Variants in ATF7IP observed in about 807,000 individuals in gnomAD.
ATF7IP encodes activating transcription factor 7 interacting protein, also known as activating transcription factor 7-interacting protein 1.
ATF7IP carries 23 observed loss-of-function variants against 106.4 expected under a neutral mutation model. The ratio of observed to expected loss-of-function variants is 0.22; its 90% confidence interval spans 0.16 to 0.31. The LOEUF is 0.31. Among genes scored for constraint, ATF7IP ranks in the 10% least tolerant of loss-of-function variants. The pLI is 1.00. For synonymous variants in ATF7IP, 542 were observed against 539.0 expected (o/e 1.01, Z -0.08); for missense variants, 1,334 against 1,524.3 (o/e 0.88, Z 2.08).
chr12:14,370,038 A>G (rs1938470861), intron 1 of ATF7IP, among the ~76,000 whole-genome samples: 1 of 152,054 alleles, frequency 6.6e-6, no homozygotes. Flanking sequence ...CCCAGGTTCA[A>G]ATGATTCTCC....
intron 1 of ATF7IP, among the ~76,000 whole-genome samples, chr12:14,398,525 A>G (rs1406725918): frequency 1.3e-5 from 2 of 150,052 alleles, no homozygotes; most frequent in Admixed American, 6.6e-5. Context: ...CGCCATACAC[A>G]TGGTCAATAT....
intron 10 of ATF7IP, among the ~76,000 whole-genome samples, chr12:14,472,118 G>A (rs532875959): frequency 0.01 from 1,265 of 120,790 alleles, 12 homozygotes; most frequent in Non-Finnish European, 0.017. Flanking sequence ...TTATAGTGTA[G>A]TATTTTAAGG....
intron 11 of ATF7IP, among the ~76,000 whole-genome samples, chr12:14,476,859 C>T (rs1326719358): frequency 1.3e-5 from 2 of 152,022 alleles, no homozygotes; most frequent in African/African-American, 4.8e-5. Flanking sequence ...AACTGTAAAC[C>T]ATATTCCTAG....
chr12:14,414,601 A>G (rs561255491), intron 1 of ATF7IP, among the ~76,000 whole-genome samples: 156 of 152,350 alleles, frequency 1.0e-3, no homozygotes, highest in African/African-American at 3.6e-3. Flanking sequence ...TATCTCTGTC[A>G]TATTGGTCTT....
At chr12:14,430,994 A>G (rs750051105) in intron 2 of ATF7IP, among the ~76,000 whole-genome samples, 1 of 152,232 alleles carries the variant, frequency 6.6e-6, no homozygotes, top group Admixed American at 6.5e-5. Context: ...CTCTTATCTA[A>G]GGCAATGGTT....
At position 14,366,948 on chromosome 12, in the gene ATF7IP, G is replaced by A. The variant is rs1003525422; in HGVS notation, c.-8+1121G>A. Among the ~76,000 whole-genome samples the A allele has an allele frequency of 3.3e-5, 5 of 152,034 alleles. No individual in the cohort carries two copies. In the East Asian group the frequency reaches 9.6e-4, roughly 29 times the overall value. On this transcript the variant is annotated intron_variant, in intron 1 of 14. Coordinates refer to ENST00000261168, the MANE Select transcript of ATF7IP (RefSeq NM_018179.5). ...TCCTGGTTTTATTAATAGTTTTTTA[G>A]GGAAGGTAATTATAAATATGCTACT...
intron 13 of ATF7IP, 46 bp downstream of exon 13, chr12:14,481,231 C>T: frequency 6.3e-7 from 1 of 1,599,522 alleles, no homozygotes; most frequent in Middle Eastern, 1.9e-4. Context: ...ATGTAGTTCT[C>T]TTCAGCATTT....
intron 1 of ATF7IP, among the ~76,000 whole-genome samples, chr12:14,385,609 T>C (rs1247568321): frequency 3.3e-5 from 5 of 152,228 alleles, no homozygotes; most frequent in Non-Finnish European, 5.9e-5. Context: ...CACCATTTTA[T>C]GTTCTGTCAT....
intron 1 of ATF7IP, chr12:14,385,108 T>A: frequency 2.9e-6 from 1 of 348,688 alleles, no homozygotes. Context: ...CTTGCTGCCT[T>A]CTGTTTTCTT....
intron 1 of ATF7IP, among the ~76,000 whole-genome samples, chr12:14,422,132 G>A (rs577856726): frequency 6.6e-6 from 1 of 152,142 alleles, no homozygotes; most frequent in South Asian, 2.1e-4. Flanking sequence ...CAAGGAAAAG[G>A]ATGACATGTT....
chr12:14,408,243 A>G (rs953868756), intron 1 of ATF7IP, among the ~76,000 whole-genome samples: 1 of 152,128 alleles, frequency 6.6e-6, no homozygotes, highest in Admixed American at 6.5e-5. Flanking sequence ...TGTCAAGTTA[A>G]TATTTTAGGT....
Position 14,481,199 on chromosome 12 carries a change from C to A in ATF7IP, c.3280+14C>A. 6.2e-7 allele frequency: 1 copy of A among 1,612,610 alleles called. No homozygotes were observed. Among genetic ancestry groups the A allele is most frequent in the Non-Finnish European group, 8.5e-7 (1 of 1,179,814 alleles). On this transcript the variant is annotated intron_variant, in intron 13 of 14. Coordinates refer to ENST00000261168, the MANE Select transcript of ATF7IP (RefSeq NM_018179.5). ...ATCCCCAAAATAGTAAGAGATTTTT[C>A]TTGTATATGGCCCCAAGATACATGT... is the stretch of plus-strand genomic sequence containing the variant.
chr12:14,429,288 T>A (rs753096657), intron 2 of ATF7IP, among the ~76,000 whole-genome samples: 24 of 152,212 alleles, frequency 1.6e-4, no homozygotes, highest in Non-Finnish European at 3.1e-4. Context: ...TAATAACAGT[T>A]CTTCCCTCTT....
chr12:14,469,069 G>A (rs1205895200), intron 10 of ATF7IP, among the ~76,000 whole-genome samples: 1 of 152,072 alleles, frequency 6.6e-6, no homozygotes, highest in Non-Finnish European at 1.5e-5. Context: ...ATTTAGATCA[G>A]AAGAAATCTG....
chr12:14,492,263 A>G (rs912358507), intron 13 of ATF7IP, among the ~76,000 whole-genome samples: 3 of 152,200 alleles, frequency 2.0e-5, no homozygotes, highest in Admixed American at 6.5e-5. Context: ...GAGGACCACA[A>G]TGATGCTTTG....
intron 13 of ATF7IP, among the ~76,000 whole-genome samples, chr12:14,490,631 C>T (rs1297155497): frequency 6.6e-6 from 1 of 152,176 alleles, no homozygotes; most frequent in Non-Finnish European, 1.5e-5. Context: ...GCAGAACCAT[C>T]TGTGAACCAG....
chr12:14,414,763 G>A (rs1253813407), intron 1 of ATF7IP, among the ~76,000 whole-genome samples: 1 of 152,196 alleles, frequency 6.6e-6, no homozygotes, highest in African/African-American at 2.4e-5. Context: ...GACACAGAAA[G>A]TTAGCTGTCC....
chr12:14,468,493 TA>T (rs5796596), intron 10 of ATF7IP, among the ~76,000 whole-genome samples: 97,571 of 143,080 alleles, frequency 0.68, 34,232 homozygotes, highest in African/African-American at 0.87. Flanking sequence ...AGAAGAAACT[TA>T]AAAAAAAAAA....
In ATF7IP at chr12:14,424,603, G is replaced by A. The variant is rs1941737904; in HGVS notation, c.688G>A (p.Ala230Thr). The change falls in exon 2 of 15, where the codon GCC (alanine) becomes ACC (threonine). Residue 230 changes from alanine (A) to threonine (T), a missense_variant. Physicochemically the swap from Ala to Thr is moderately conservative, Grantham distance 58. Transcript: ENST00000261168. ...ISGDCAADDI[A>T]SSEITSVDLA... ...TGGTGATTGTGCCGCTGATGATATA[G>A]CCTCTAGTGAAATAACTTCTGTTGA... 1 of 1,613,938 alleles carries A rather than the reference G, an allele frequency of 6.2e-7. No homozygotes were observed. Among genetic ancestry groups the A allele is most frequent in the Non-Finnish European group, 8.5e-7 (1 of 1,180,026 alleles).
Sources: allele counts gnomAD v4.1 joint callset (sites outside exome capture counted in the v4.1 genomes callset), GRCh38; gene constraint gnomAD v4.1.1; transcripts MANE v1.5; gene names NCBI Gene and HGNC (gene_info 2026-07-23, HGNC 2026-07-21).